Variants in ZNF175 observed in about 807,000 individuals in gnomAD.
The protein encoded by ZNF175 is zinc finger protein 175.
A neutral mutation model predicts 14.0 loss-of-function variants in ZNF175; 8 were observed. The ratio of observed to expected loss-of-function variants is 0.57; its 90% confidence interval spans 0.34 to 1.03. ZNF175 has a LOEUF of 1.03. ZNF175 is among the 50% of genes least tolerant of loss of function. The pLI is 0.03. For synonymous variants in ZNF175, 255 were observed against 296.8 expected, an observed-to-expected ratio of 0.86 and a Z score of 1.45; for missense variants, 764 against 849.5, an observed-to-expected ratio of 0.90 and a Z score of 1.25.
rs1330112842 is a variant in ZNF175, at chr19:51,586,961, A to C, written c.630A>C (p.Glu210Asp). 6.2e-7 allele frequency: 1 copy of C among 1,614,236 alleles called. No individual in the cohort carries two copies. The highest frequency in any genetic ancestry group is 1.1e-5 in the South Asian group (1 of 91,092). Residue 210 changes from glutamate to aspartate, a missense_variant, in exon 5 of 5, where the codon GAA becomes GAC. Physicochemically the swap from Glu to Asp is conservative, Grantham distance 45 (BLOSUM62 2). Coordinates refer to ENST00000262259, the MANE Select transcript of ZNF175 (RefSeq NM_007147.4). ...CAGAAAGTTTGAAGCTGAACCTAGA[A>C]GTGAACGGTCAGAATGAAAGCAATG... Reference protein sequence around the residue: ...LFTESLKLNLEVNGQNESNDT... With the variant: ...LFTESLKLNLDVNGQNESNDT...
Position 51,588,069 on chromosome 19 carries a change from A to T in ZNF175, c.1738A>T (p.Ile580Phe). ...GTCTCAATTCAAAGAGCATCAGCGA[A>T]TTCACACGGGTGAGAAACCCTATGT... Reference protein sequence around the residue: ...SKSQFKEHQRIHTGEKPYVCT... With the variant: ...SKSQFKEHQRFHTGEKPYVCT... Residue 580 changes from isoleucine to phenylalanine, a missense_variant, in exon 5 of 5, where the codon ATT (isoleucine) becomes TTT (phenylalanine). Coordinates refer to ENST00000262259, the MANE Select transcript of ZNF175 (RefSeq NM_007147.4). 6.2e-7 allele frequency: 1 copy of T among 1,614,220 alleles called. No individual in the cohort carries two copies.
intron 4 of ZNF175, among the ~76,000 whole-genome samples, chr19:51,583,199 T>C (rs1363105709): frequency 6.6e-6 from 1 of 152,222 alleles, no homozygotes; most frequent in Non-Finnish European, 1.5e-5. Flanking sequence ...GACCCATCCA[T>C]TCTGAACTCT....
chr19:51,577,178 A>G (rs1981820202), intron 2 of ZNF175, among the ~76,000 whole-genome samples: 1 of 152,228 alleles, frequency 6.6e-6, no homozygotes, highest in South Asian at 2.1e-4. Flanking sequence ...TATTTAATAG[A>G]AAGATGTCAC....
chr19:51,577,154 A>G (rs1195690637), intron 2 of ZNF175, among the ~76,000 whole-genome samples: 1 of 152,210 alleles, frequency 6.6e-6, no homozygotes, highest in Non-Finnish European at 1.5e-5. Context: ...AAAAGCAAAG[A>G]TCATATATTT....
chr19:51,573,747 T>TC (rs1180251476), intron 2 of ZNF175: 29 of 385,256 alleles, frequency 7.5e-5, no homozygotes, highest in South Asian at 2.2e-4. Context: ...TTTCAAGTGG[T>TC]CCCCCCCACC....
At chr19:51,575,546 T>C (rs1981751099) in intron 2 of ZNF175, among the ~76,000 whole-genome samples, 1 of 152,184 alleles carries the variant, frequency 6.6e-6, no homozygotes, top group African/African-American at 2.4e-5. Context: ...TTTGTTACTT[T>C]TTCCTTTGAA....
chr19:51,586,734 T>G lies in ZNF175; in HGVS notation c.403T>G (p.Leu135Val). Residue 135 changes from leucine to valine, a missense_variant, in exon 5 of 5, where the codon TTA becomes GTA. Leu to Val is a conservative substitution (Grantham distance 32). Coordinates refer to ENST00000262259, the MANE Select transcript of ZNF175 (RefSeq NM_007147.4). ...FTRDGSWCSI[L>V]EELRLDADRT... The stretch of plus-strand genomic sequence containing the variant: ...AAGAGATGGTTCATGGTGTTCCATT[T>G]TAGAAGAACTGAGGCTGGATGCTGA... 1 of 1,614,212 alleles carries G rather than the reference T, an allele frequency of 6.2e-7. No homozygotes were observed. Among genetic ancestry groups the G allele is most frequent in the Non-Finnish European group, 8.5e-7 (1 of 1,180,028 alleles).
Position 51,589,884 on chromosome 19 carries a change from AACACACAC to A in ZNF175, c.*1421_*1428del. On this transcript the variant is annotated 3_prime_UTR_variant, in exon 5 of 5. Coordinates refer to ENST00000262259, the MANE Select transcript of ZNF175 (RefSeq NM_007147.4). ...TTTGCCAGCACATGATACACACACAAACACACACACATACACACATATTACTATGTTCA... is the reference window on the plus strand; with the variant it reads ...TTTGCCAGCACATGATACACACACAAACATACACACATATTACTATGTTCA... The A allele has an allele frequency of 6.4e-6, 3 of 472,146 alleles. No individual in the cohort carries two copies. In the East Asian group the frequency reaches 1.0e-4, roughly 16 times the overall value. 29.2% of individuals were successfully genotyped at this position (472,146 alleles called of 1,614,324 possible). A position where few individuals can be genotyped will look rare whatever the true frequency, so the allele number is the denominator to read the frequency against.
Position 51,588,424 on chromosome 19 carries a change from C to T in ZNF175, c.2093C>T (p.Ser698Phe). ...CAAACAACTCATACCAGAGACAAAT[C>T]TTACAAATGCAGTTATTCTGTGAAA... The part of the protein sequence containing the change: ...KHQTTHTRDK[S>F]YKCSYSVKGF... The change falls in exon 5 of 5, where the codon TCT (serine) becomes TTT (phenylalanine). Residue 698 changes from serine to phenylalanine, a missense_variant. Ser to Phe is a radical substitution (Grantham distance 155, BLOSUM62 -2). Coordinates refer to ENST00000262259, the MANE Select transcript of ZNF175 (RefSeq NM_007147.4). The T allele has an allele frequency of 6.3e-7, 1 of 1,590,730 alleles. No homozygotes were observed. Among genetic ancestry groups the T allele is most frequent in the Non-Finnish European group, 8.5e-7 (1 of 1,171,112 alleles).
chr19:51,584,986 ACCC>A (rs1369676383), intron 4 of ZNF175, among the ~76,000 whole-genome samples: 2 of 152,244 alleles, frequency 1.3e-5, no homozygotes, highest in Admixed American at 1.3e-4. Context: ...CTGGGTAGAT[ACCC>A]ACAAGAATTG....
rs1349071811 is a variant in ZNF175, at chr19:51,589,874, TACACACACAAAC to T, written c.*1417_*1428del. ...ACAGAAAATGTTTGCCAGCACATGA[TACACACACAAAC>T]ACACACACATACACACATATTACTA... On this transcript the variant is annotated 3_prime_UTR_variant, in exon 5 of 5. Transcript: ENST00000262259. 1 of 500,304 alleles carries T rather than the reference TACACACACAAAC, an allele frequency of 2.0e-6. No homozygotes were observed. Among genetic ancestry groups the T allele is most frequent in the African/African-American group, 1.9e-5 (1 of 52,506 alleles). 31.0% of individuals were successfully genotyped at this position (500,304 alleles called of 1,614,324 possible).
At chr19:51,572,317 G>A (rs910524446) in intron 1 of ZNF175, among the ~76,000 whole-genome samples, 1 of 152,218 alleles carries the variant, frequency 6.6e-6, no homozygotes, top group East Asian at 1.9e-4. Context: ...AGTCCTGTCA[G>A]TGATTGCATT....
Position 51,587,725 on chromosome 19 carries a change from A to G in ZNF175, c.1394A>G (p.His465Arg). 1 of 1,614,214 alleles carries G rather than the reference A, an allele frequency of 6.2e-7. No homozygotes were observed. The highest frequency in any genetic ancestry group is 1.7e-5 in the Admixed American group (1 of 60,028). ...ATCCAGAAGGCACACCTGATTGTCC[A>G]TCAAAGAAGCCACACAGGAGAAAAA... is the stretch of plus-strand genomic sequence containing the variant. The part of the protein sequence containing the change: ...AFIQKAHLIV[H>R]QRSHTGEKPY... The change falls in exon 5 of 5, where the codon CAT becomes CGT. Residue 465 changes from histidine (H) to arginine (R), a missense_variant. Transcript: ENST00000262259.
chr19:51,577,276 C>T (rs1981822751), intron 2 of ZNF175, among the ~76,000 whole-genome samples: 1 of 152,110 alleles, frequency 6.6e-6, no homozygotes, highest in South Asian at 2.1e-4. Context: ...TAAAACACCC[C>T]ATATACTACT....
At position 51,588,219 on chromosome 19, in the gene ZNF175, T is replaced by C. The variant is rs768451412; in HGVS notation, c.1888T>C (p.Leu630=). Residue 630 remains leucine (L), a synonymous_variant, in exon 5 of 5, where the codon TTG becomes CTG. Coordinates refer to ENST00000262259, the MANE Select transcript of ZNF175 (RefSeq NM_007147.4). ...CGKAFVQKSE[L]ITHQRTHMGE... ...GAAGGCTTTTGTCCAGAAATCAGAG[T>C]TGATTACCCATCAAAGAACTCACAT... is the stretch of plus-strand genomic sequence containing the variant. 25 of 1,613,514 alleles carry C rather than the reference T, an allele frequency of 1.5e-5. No individual in the cohort carries two copies. The South Asian group carries it at 1.6e-4, about 11-fold the overall frequency.
rs2122584106 is a variant in ZNF175, at chr19:51,591,652, G to C, written c.*3185G>C. The C allele has an allele frequency of 6.6e-6, 1 of 152,270 alleles. No homozygotes were observed. Among genetic ancestry groups the C allele is most frequent in the Middle Eastern group, 3.4e-3 (1 of 294 alleles). The allele number at this position is 152,270 out of a possible 1,614,324, so 9.4% of individuals were successfully genotyped here. A position where few individuals can be genotyped will look rare whatever the true frequency, so the allele number is the denominator to read the frequency against. On this transcript the variant is annotated 3_prime_UTR_variant, in exon 5 of 5. Coordinates refer to ENST00000262259, the MANE Select transcript of ZNF175 (RefSeq NM_007147.4). ...ATGAGGAAACAGGCTTAGAGAATTT[G>C]ACGTAAACTCAAGACCGAAAATCTA...
Position 51,587,834 on chromosome 19 carries a change from A to C in ZNF175, c.1503A>C (p.Lys501Asn). 1.9e-6 allele frequency: 3 copies of C among 1,614,162 alleles called. No homozygotes were observed. The highest frequency in any genetic ancestry group is 2.5e-6 in the Non-Finnish European group (3 of 1,180,016). The change falls in exon 5 of 5, where the codon AAA becomes AAC. Residue 501 changes from lysine to asparagine, a missense_variant. By Grantham distance (94) the Lys-to-Asn change is moderately conservative (BLOSUM62 0). Coordinates refer to ENST00000262259, the MANE Select transcript of ZNF175 (RefSeq NM_007147.4). The part of the protein sequence containing the change: ...DIHHRIHTGE[K>N]PYECSDCGKT... ...ATCATCGAATTCATACAGGGGAGAA[A>C]CCTTATGAATGCAGTGACTGTGGAA...
Position 51,587,583 on chromosome 19 carries a change from C to T in ZNF175, c.1252C>T (p.Gln418Ter), listed in dbSNP as rs200245853. The T allele has an allele frequency of 2.9e-4, 467 of 1,614,162 alleles. 1 individual carries two copies. In the East Asian group the frequency reaches 9.2e-3, roughly 32 times the overall value. Reference protein sequence around the residue: ...IHQKIHTGERQYACSECGKAF... With the variant: ...IHQKIHTGER ...TCAGAAAATTCATACTGGTGAGAGA[C>T]AGTATGCATGCAGTGAATGTGGGAA... is the stretch of plus-strand genomic sequence containing the variant. Residue 418 changes from glutamine (Q) to a stop codon, truncating the protein, a stop_gained, in exon 5 of 5, where the codon CAG becomes TAG. Transcript: ENST00000262259. LOFTEE classifies it low-confidence loss of function (END_TRUNC).
rs1403222690 is a variant in ZNF175 at position 51,589,806 on chromosome 19, G to GC, written c.*1344dup. On this transcript the variant is annotated 3_prime_UTR_variant, in exon 5 of 5. Transcript: ENST00000262259. ...GAGTAGTTTTGGCGGAGATCAAATA[G>GC]CCCCCAAGCTGGAAACTGAAAATAT... 3 of 555,520 alleles carry GC rather than the reference G, an allele frequency of 5.4e-6. No homozygotes were observed. Among genetic ancestry groups the GC allele is most frequent in the South Asian group, 2.6e-5 (1 of 39,150 alleles). The allele number at this position is 555,520 out of a possible 1,614,324, so 34.4% of individuals were successfully genotyped here.
Sources: gnomAD v4.1 joint callset for allele counts (sites outside exome capture counted in the v4.1 genomes callset) on GRCh38, gnomAD v4.1.1 for gene constraint, MANE v1.5 for transcripts, NCBI Gene and HGNC (gene_info 2026-07-23, HGNC 2026-07-21) for gene names.